The following SLC35F3 variants were observed in gnomAD, a reference collection of about 807,000 sequenced individuals.
SLC35F3 encodes putative thiamine transporter SLC35F3.
Under a neutral mutation model 49.9 loss-of-function variants are expected in SLC35F3, and 25 were observed. That is an observed-to-expected ratio of 0.50 (90% CI 0.37 to 0.70). The LOEUF is 0.70. SLC35F3 is among the 30% of genes least tolerant of loss of function. The pLI is 0.00. For synonymous variants in SLC35F3, 275 were observed against 265.4 expected (o/e 1.04, Z -0.35); for missense variants, 525 against 639.8 (o/e 0.82, Z 1.94).
At chr1:233,928,910 C>T (rs1304238944) in intron 2 of SLC35F3, among the ~76,000 whole-genome samples, 1 of 150,770 alleles carries the variant, frequency 6.6e-6, no homozygotes, top group Non-Finnish European at 1.5e-5. Context: ...GCTATGCACT[C>T]CATGAATATG....
chr1:234,165,837 G>C (rs1312713902), intron 2 of SLC35F3, among the ~76,000 whole-genome samples: 1 of 152,160 alleles, frequency 6.6e-6, no homozygotes, highest in African/African-American at 2.4e-5. Flanking sequence ...CCTGTGGGTA[G>C]TTTTTCATCC....
At chr1:233,943,877 T>G (rs1318806927) in intron 2 of SLC35F3, among the ~76,000 whole-genome samples, 1 of 152,258 alleles carries the variant, frequency 6.6e-6, no homozygotes, top group African/African-American at 2.4e-5. Context: ...TTTATTTTTA[T>G]TCCTTCATTC....
chr1:234,225,065 C>T (rs528590378), intron 2 of SLC35F3, among the ~76,000 whole-genome samples: 1 of 152,214 alleles, frequency 6.6e-6, no homozygotes, highest in Non-Finnish European at 1.5e-5. Flanking sequence ...TCCAGGAATC[C>T]ATATGGATGA....
chr1:233,970,709 C>T (rs1385239689), intron 2 of SLC35F3, among the ~76,000 whole-genome samples: 1 of 152,154 alleles, frequency 6.6e-6, no homozygotes, highest in Non-Finnish European at 1.5e-5. Flanking sequence ...GGGACAGAGA[C>T]ATCAAGGGAA....
intron 2 of SLC35F3, among the ~76,000 whole-genome samples, chr1:233,984,641 G>A (rs1663238016): frequency 6.6e-6 from 1 of 152,170 alleles, no homozygotes; most frequent in Non-Finnish European, 1.5e-5. Context: ...CAAATTTGGG[G>A]TCAGTAGAAA....
chr1:234,049,300 G>A (rs1664338841), intron 2 of SLC35F3, among the ~76,000 whole-genome samples: 1 of 151,990 alleles, frequency 6.6e-6, no homozygotes, highest in Non-Finnish European at 1.5e-5. Context: ...AGGATTAGTG[G>A]CCTTTAAAGA....
intron 3 of SLC35F3, among the ~76,000 whole-genome samples, chr1:234,275,752 G>GAA (rs71576411): frequency 0.01 from 1,450 of 138,982 alleles, 14 homozygotes; most frequent in African/African-American, 0.02. Flanking sequence ...GGTAAGTATT[G>GAA]AAAAAAAAAA....
At chr1:234,322,944 C>T in intron 7 of SLC35F3, 64 bp from the exon 8 acceptor site, 1 of 1,415,230 alleles carries the variant, frequency 7.1e-7, no homozygotes, top group Non-Finnish European at 9.9e-7. Context: ...CAGGCCCTGC[C>T]CACTCTCCAG....
intron 2 of SLC35F3, among the ~76,000 whole-genome samples, chr1:233,962,991 G>T (rs1320490083): frequency 6.6e-6 from 1 of 152,206 alleles, no homozygotes; most frequent in Non-Finnish European, 1.5e-5. Context: ...GTGCATAGCT[G>T]CAATCTCTTT....
chr1:234,128,848 G>A (rs1340274060), intron 2 of SLC35F3, among the ~76,000 whole-genome samples: 3 of 152,156 alleles, frequency 2.0e-5, no homozygotes, highest in Non-Finnish European at 4.4e-5. Flanking sequence ...CGGAAAATCG[G>A]GGACACCGCA....
chr1:234,123,500 T>C (rs1233344964), intron 2 of SLC35F3, among the ~76,000 whole-genome samples: 1 of 152,104 alleles, frequency 6.6e-6, no homozygotes, highest in Non-Finnish European at 1.5e-5. Context: ...GCCTCGACCT[T>C]TCAGGCTTAA....
chr1:234,297,354 C>T (rs1360715585), intron 3 of SLC35F3, among the ~76,000 whole-genome samples: 1 of 152,068 alleles, frequency 6.6e-6, no homozygotes, highest in Non-Finnish European at 1.5e-5. Context: ...GTCTGCATTC[C>T]CATGTTACCA....
At chr1:234,064,984 A>T (rs1664596831) in intron 2 of SLC35F3, among the ~76,000 whole-genome samples, 1 of 152,230 alleles carries the variant, frequency 6.6e-6, no homozygotes, top group Non-Finnish European at 1.5e-5. Flanking sequence ...AAATAGTGCC[A>T]GTTGCCTTAA....
intron 2 of SLC35F3, among the ~76,000 whole-genome samples, chr1:234,168,435 A>G (rs1666350234): frequency 6.6e-6 from 1 of 152,152 alleles, no homozygotes; most frequent in South Asian, 2.1e-4. Context: ...CCTTTCTGTA[A>G]TTAATAAAGT....
intron 2 of SLC35F3, among the ~76,000 whole-genome samples, chr1:234,166,468 A>G (rs564497613): frequency 9.2e-5 from 14 of 152,218 alleles, no homozygotes; most frequent in East Asian, 5.8e-4. Context: ...AGATCATTTC[A>G]TCTCCACTAT....
chr1:233,957,633 G>A lies in SLC35F3; in HGVS notation c.283+51875G>A, dbSNP rs1049365004. Among the ~76,000 whole-genome samples, 6 of 152,046 alleles carry A rather than the reference G, an allele frequency of 3.9e-5. No homozygotes were observed. The highest frequency in any genetic ancestry group is 9.7e-5 in the African/African-American group (4 of 41,384). On this transcript the variant is annotated intron_variant, in intron 2 of 7. Coordinates refer to ENST00000366618, the MANE Select transcript of SLC35F3 (RefSeq NM_173508.4). The surrounding 1 kb of genome is among the most constrained non-coding windows in gnomAD (Gnocchi z 4.0). ...AGTTCGAGACCAGCCTGGCCAACAC[G>A]GTGAAAGCTCGTCTCTAATTAAAGT...
intron 2 of SLC35F3, among the ~76,000 whole-genome samples, chr1:234,102,257 G>A (rs1665225207): frequency 1.3e-5 from 2 of 152,300 alleles, no homozygotes; most frequent in South Asian, 4.1e-4. Flanking sequence ...ATCTGCCATT[G>A]CCCTCTTGAA....
At chr1:234,181,764 C>T (rs1223180781) in intron 2 of SLC35F3, among the ~76,000 whole-genome samples, 1 of 152,066 alleles carries the variant, frequency 6.6e-6, no homozygotes, top group Admixed American at 6.6e-5. Context: ...GCATTGTGAC[C>T]TTATTCTGGT....
chr1:233,929,929 A>G (rs1381668983), intron 2 of SLC35F3, among the ~76,000 whole-genome samples: 1 of 152,166 alleles, frequency 6.6e-6, no homozygotes, highest in Admixed American at 6.5e-5. Flanking sequence ...CTAGAGATAG[A>G]GCAGATGGAA....
Sources: gnomAD v4.1 joint callset for allele counts (sites outside exome capture counted in the v4.1 genomes callset) on GRCh38, gnomAD v4.1.1 for gene constraint, Gnocchi (gnomAD v3.1) non-coding constraint, MANE v1.5 for transcripts, NCBI Gene and HGNC (gene_info 2026-07-23, HGNC 2026-07-21) for gene names.